BMPR1B: variants seen among roughly 807,000 people sequenced by gnomAD.
BMPR1B encodes bone morphogenetic protein receptor type-1B.
BMPR1B carries 12 observed loss-of-function variants against 59.1 expected under a neutral mutation model. The ratio of observed to expected loss-of-function variants is 0.20; its 90% CI spans 0.13 to 0.33. The LOEUF (loss-of-function observed/expected upper bound fraction) is 0.33, where lower values mean the gene tolerates loss of function less well. Among genes scored for constraint, BMPR1B ranks in the 10% least tolerant of loss-of-function variants. The probability of loss-of-function intolerance (pLI) is 1.00; values close to 1 mark genes in which losing one functional copy is unlikely to be tolerated. For synonymous variants in BMPR1B, 237 were observed against 207.3 expected (o/e 1.14, Z -1.23); for missense variants, 550 against 610.9 (o/e 0.90, Z 1.05).
At chr4:94,880,876 T>C (rs1197891111) in intron 2 of BMPR1B, among the ~76,000 whole-genome samples, 1 of 152,112 alleles carries the variant, frequency 6.6e-6, no homozygotes, top group Admixed American at 6.5e-5. Context: ...TCTCAAGTGA[T>C]TGGCCCTCCT....
At chr4:95,031,468 G>A (rs188035297) in intron 3 of BMPR1B, among the ~76,000 whole-genome samples, 10 of 152,100 alleles carry the variant, frequency 6.6e-5, no homozygotes, top group Non-Finnish European at 1.3e-4. Flanking sequence ...TTTTTTTTGA[G>A]ACAGGGTCTT....
intron 3 of BMPR1B, among the ~76,000 whole-genome samples, chr4:95,097,130 TTATATATAACTAATA>T (rs1346538610): frequency 4.4e-5 from 3 of 68,482 alleles, no homozygotes; most frequent in African/African-American, 1.7e-4. Context: ...ATATATTAAT[TTATATATAACTAATA>T]TATATGTAAC....
Position 95,137,070 on chromosome 4 carries a change from A to G in BMPR1B, c.1076+5558A>G, listed in dbSNP as rs866342501. Among the ~76,000 whole-genome samples, 3 of 152,108 alleles carry G rather than the reference A, an allele frequency of 2.0e-5. No homozygotes were observed. The South Asian group carries it at 6.2e-4, about 32-fold the overall frequency. On this transcript the variant is annotated intron_variant, in intron 10 of 12. Coordinates refer to ENST00000515059, the MANE Select transcript of BMPR1B (RefSeq NM_001203.3). ...TTTAGTGCTATGAATTTCCTTCTAC[A>G]CACTGCTTTAAATGTGTCCCAGAGA...
intron 3 of BMPR1B, among the ~76,000 whole-genome samples, chr4:95,065,273 A>G (rs1250784534): frequency 1.3e-5 from 2 of 152,204 alleles, no homozygotes; most frequent in African/African-American, 4.8e-5. Context: ...TTCTATTTAC[A>G]TGAAAATTCC....
At chr4:94,797,271 G>T (rs1300316146) in intron 1 of BMPR1B, among the ~76,000 whole-genome samples, 3 of 152,172 alleles carry the variant, frequency 2.0e-5, no homozygotes, top group Non-Finnish European at 4.4e-5. Flanking sequence ...CAATATGGGG[G>T]AATTCTGGGA....
chr4:94,987,440 A>G (rs977370416), intron 2 of BMPR1B, among the ~76,000 whole-genome samples: 10 of 151,946 alleles, frequency 6.6e-5, no homozygotes, highest in African/African-American at 2.4e-4. Context: ...TCTTTCAGTG[A>G]TATTTTCTGA....
intron 10 of BMPR1B, among the ~76,000 whole-genome samples, chr4:95,147,406 G>A (rs1258622455): frequency 6.6e-6 from 1 of 152,090 alleles, no homozygotes; most frequent in Non-Finnish European, 1.5e-5. Context: ...CAAACCCAGA[G>A]GTTTTTGATT....
intron 1 of BMPR1B, among the ~76,000 whole-genome samples, chr4:94,839,418 G>A (rs1332112750): frequency 1.4e-5 from 2 of 146,866 alleles, no homozygotes; most frequent in East Asian, 1.9e-4. Context: ...GGTCACTCAG[G>A]ACTTGCTTTA....
chr4:94,842,746 G>C (rs1288790810), intron 1 of BMPR1B, among the ~76,000 whole-genome samples: 3 of 152,130 alleles, frequency 2.0e-5, no homozygotes, highest in Admixed American at 2.0e-4. Flanking sequence ...TTGAAAACTA[G>C]AATTGAACTC....
At chr4:94,907,549 G>T (rs745808287) in intron 2 of BMPR1B, among the ~76,000 whole-genome samples, 32 of 151,890 alleles carry the variant, frequency 2.1e-4, no homozygotes, top group Non-Finnish European at 4.4e-4. Context: ...TTTTGCCTCA[G>T]TAACTCGTCT....
At chr4:94,978,989 G>A (rs1731135415) in intron 2 of BMPR1B, among the ~76,000 whole-genome samples, 1 of 150,642 alleles carries the variant, frequency 6.6e-6, no homozygotes, top group Non-Finnish European at 1.5e-5. Flanking sequence ...CGAAAGGTAA[G>A]AGTAGAAGTT....
At chr4:95,021,750 G>C (rs1009362001) in intron 3 of BMPR1B, among the ~76,000 whole-genome samples, 1 of 152,170 alleles carries the variant, frequency 6.6e-6, no homozygotes, top group African/African-American at 2.4e-5. Context: ...AAATGTTTCT[G>C]AACCCACTGC....
chr4:94,968,539 T>C (rs752646226), intron 2 of BMPR1B, among the ~76,000 whole-genome samples: 11 of 152,094 alleles, frequency 7.2e-5, no homozygotes, highest in Non-Finnish European at 1.2e-4. Context: ...CTTAAATGTG[T>C]TTATGGGGGA....
chr4:95,152,746 A>G lies in BMPR1B; in HGVS notation c.1356A>G (p.Ser452=). The change falls in exon 12 of 13, where the codon TCA becomes TCG. Residue 452 remains serine, a synonymous_variant. Transcript: ENST00000515059. ...TGTGCATCAAGAAGTTACGCCCCTC[A>G]TTCCCAAACCGGTGGAGCAGTGATG... ...EIVCIKKLRP[S]FPNRWSSDEC... is the part of the protein sequence containing the mutation. 6.2e-7 allele frequency: 1 copy of G among 1,611,552 alleles called. No homozygotes were observed. The highest frequency in any genetic ancestry group is 1.1e-5 in the South Asian group (1 of 90,206).
Position 95,115,688 on chromosome 4 carries a change from A to T in BMPR1B, c.250A>T (p.Thr84Ser), listed in dbSNP as rs192392906. 6.2e-7 allele frequency: 1 copy of T among 1,612,918 alleles called. No homozygotes were observed. The highest frequency in any genetic ancestry group is 1.7e-5 in the Admixed American group (1 of 59,972). Residue 84 changes from threonine to serine, a missense_variant, in exon 6 of 13, where the codon ACT (threonine) becomes TCT (serine). Transcript: ENST00000515059. ...AGCTGTTTGGGTTCGATTATAGGAC[A>T]CTCCCATTCCTCATCAAAGAAGATC... ...LEGSDFQCRD[T>S]PIPHQRRSIE...
intron 2 of BMPR1B, among the ~76,000 whole-genome samples, chr4:94,954,522 A>T (rs1730068586): frequency 6.6e-6 from 1 of 152,224 alleles, no homozygotes; most frequent in Non-Finnish European, 1.5e-5. Flanking sequence ...TGGAATGCAC[A>T]ACCACCTTTG....
intron 1 of BMPR1B, among the ~76,000 whole-genome samples, chr4:94,786,346 T>C (rs1722762635): frequency 1.3e-5 from 2 of 150,202 alleles, no homozygotes; most frequent in South Asian, 2.1e-4. Flanking sequence ...GAAATATACT[T>C]TGTAAGACTT....
chr4:94,932,100 G>A (rs1293052982), intron 2 of BMPR1B, among the ~76,000 whole-genome samples: 2 of 152,118 alleles, frequency 1.3e-5, no homozygotes, highest in Non-Finnish European at 2.9e-5. Flanking sequence ...AAAAGTAAGT[G>A]TTTAAAGGTG....
intron 1 of BMPR1B, among the ~76,000 whole-genome samples, chr4:94,828,508 T>C (rs1724461802): frequency 1.3e-5 from 2 of 152,206 alleles, no homozygotes; most frequent in African/African-American, 4.8e-5. Flanking sequence ...GGTCAAATAA[T>C]TTTGTTTGAT....
Sources: gnomAD v4.1 joint callset for allele counts (sites outside exome capture counted in the v4.1 genomes callset) on GRCh38, gnomAD v4.1.1 for gene constraint, MANE v1.5 for transcripts, NCBI Gene and HGNC (gene_info 2026-07-23, HGNC 2026-07-21) for gene names.